LIPG: variants seen among roughly 807,000 people sequenced by gnomAD.
LIPG encodes lipase G, endothelial type, also known as endothelial lipase.
A neutral mutation model predicts 51.8 loss-of-function variants in LIPG; 34 were observed. The observed-to-expected ratio is 0.66, with a 90% CI of 0.50 to 0.87. The LOEUF (loss-of-function observed/expected upper bound fraction) is 0.87, where lower values mean the gene tolerates loss of function less well. LIPG is among the 40% of genes least tolerant of loss of function. The pLI is 0.00. For missense variants in LIPG, 580 were observed against 652.7 expected (o/e 0.89, Z 1.21); for synonymous variants, 246 against 246.1 (o/e 1.00, Z 0.00).
chr18:49,570,826 C>G (rs143650892), intron 4 of LIPG, among the ~76,000 whole-genome samples: 1 of 152,136 alleles, frequency 6.6e-6, no homozygotes, highest in Non-Finnish European at 1.5e-5. Flanking sequence ...AAGACTCCGT[C>G]TCAAAAAACA....
chr18:49,586,203 C>T (rs1462048306), intron 8 of LIPG, among the ~76,000 whole-genome samples: 1 of 152,198 alleles, frequency 6.6e-6, no homozygotes, highest in Non-Finnish European at 1.5e-5. Flanking sequence ...TTGCTCTTGT[C>T]AATGGATATT....
chr18:49,583,882 G>A (rs867833592), intron 8 of LIPG, 108 bp downstream of exon 8: 2 of 1,016,794 alleles, frequency 2.0e-6, no homozygotes. Flanking sequence ...CTTCCCTCCA[G>A]CATGCAGGTA....
At position 49,582,569 on chromosome 18, in the gene LIPG, T is replaced by C. The variant is rs1385932840; in HGVS notation, c.1157+87T>C. 1.0e-5 allele frequency: 16 copies of C among 1,557,780 alleles called. No homozygotes were observed. In the East Asian group the frequency reaches 3.2e-4, roughly 31 times the overall value. Reference sequence around the variant, plus strand: ...GAGCACAAGGGAGCGTGTGAACGAGTACAGCACGCAGGAGAGTGCAGTCCG... The same window carrying C: ...GAGCACAAGGGAGCGTGTGAACGAGCACAGCACGCAGGAGAGTGCAGTCCG... On this transcript the variant is annotated intron_variant, in intron 7 of 9. Transcript: ENST00000261292.
intron 4 of LIPG, among the ~76,000 whole-genome samples, chr18:49,572,327 AAAAAAT>A (rs959045584): frequency 1.0e-4 from 9 of 90,192 alleles, no homozygotes; most frequent in African/African-American, 2.9e-4. Flanking sequence ...TCTCAAAAAT[AAAAAAT>A]AAAAAATAAA....
rs118009683 is a variant in LIPG, at chr18:49,579,674, G to T, written c.794-1741G>T. On this transcript the variant is annotated intron_variant, in intron 5 of 9. Coordinates refer to ENST00000261292, the MANE Select transcript of LIPG (RefSeq NM_006033.4). ...TCCCTCTCCCGGTTTAATCCAAGTA[G>T]CTCTGCAGGGTTTGGAGGTCCATGC... Among the ~76,000 whole-genome samples, 4 of 152,210 alleles carry T rather than the reference G, an allele frequency of 2.6e-5. No individual in the cohort carries two copies. The East Asian group carries it at 7.7e-4, about 29-fold the overall frequency.
At chr18:49,587,568 CAAAAA>C (rs34734805) in intron 9 of LIPG, among the ~76,000 whole-genome samples, 1,040 of 42,226 alleles carry the variant, frequency 0.025, 8 homozygotes, top group African/African-American at 0.079. Context: ...GACTCCGTCT[CAAAAA>C]AAAAAAAAAA....
intron 4 of LIPG, among the ~76,000 whole-genome samples, chr18:49,574,605 G>C (rs771885629): frequency 7.2e-5 from 11 of 152,182 alleles, no homozygotes; most frequent in Non-Finnish European, 1.6e-4. Context: ...TTGCTTGTGT[G>C]TCCTTCCAGA....
chr18:49,583,807 G>A lies in LIPG; in HGVS notation c.1376+33G>A, dbSNP rs79592405. 8.7e-4 allele frequency: 1,370 copies of A among 1,571,116 alleles called. 11 individuals carry two copies. The African/African-American group carries it at 0.017, about 19-fold the overall frequency. On this transcript the variant is annotated intron_variant, in intron 8 of 9. Coordinates refer to ENST00000261292, the MANE Select transcript of LIPG (RefSeq NM_006033.4). Reference sequence around the variant, plus strand: ...CCTCCTGCTCCTTCTTCTGCCTGGTGTAGGTGGGGAACAGAAGGCTGTGCC... The same window carrying A: ...CCTCCTGCTCCTTCTTCTGCCTGGTATAGGTGGGGAACAGAAGGCTGTGCC...
At chr18:49,574,565 C>T (rs753639243) in intron 4 of LIPG, among the ~76,000 whole-genome samples, 1 of 152,202 alleles carries the variant, frequency 6.6e-6, no homozygotes, top group Admixed American at 6.5e-5. Flanking sequence ...CCCACTCTCT[C>T]CCCCAACGCA....
At chr18:49,582,277 C>T (rs2084828133) in intron 6 of LIPG, 85 bp from the exon 7 acceptor site, 1 of 1,557,302 alleles carries the variant, frequency 6.4e-7, no homozygotes, top group Non-Finnish European at 8.8e-7. Flanking sequence ...CCTAAAATCT[C>T]TGTGCTGGTG....
intron 4 of LIPG, among the ~76,000 whole-genome samples, chr18:49,570,257 C>A (rs2084649173): frequency 6.6e-6 from 1 of 152,192 alleles, no homozygotes; most frequent in African/African-American, 2.4e-5. Context: ...AAAACTGCAT[C>A]TTAGTGAGCT....
intron 7 of LIPG, 75 bp downstream of exon 7, chr18:49,582,557 C>T (rs940216406): frequency 5.0e-6 from 8 of 1,586,778 alleles, no homozygotes; most frequent in Middle Eastern, 1.7e-4. Context: ...CACAAGGGAG[C>T]GTGTGAACGA....
chr18:49,569,619 C>G, intron 4 of LIPG, 71 bp downstream of exon 4: 2 of 1,180,430 alleles, frequency 1.7e-6, no homozygotes, highest in Admixed American at 3.8e-5. Flanking sequence ...AATGAGGCAG[C>G]AGAGTGAGTC....
At chr18:49,562,464 C>T (rs1295712777) in intron 1 of LIPG, 59 bp downstream of exon 1, 3 of 1,403,410 alleles carry the variant, frequency 2.1e-6, no homozygotes, top group Non-Finnish European at 3.0e-6. Flanking sequence ...TCCCCTCTGT[C>T]TTGCTGATTC....
At chr18:49,561,725 A>C, upstream of LIPG, 1 of 1,244,722 alleles carries the variant, frequency 8.0e-7, no homozygotes, top group Admixed American at 3.8e-5. Context: ...CAGCGGACGC[A>C]GAGTTTCAGG....
intron 5 of LIPG, 22 bp from the exon 6 acceptor site, chr18:49,581,393 T>C (rs373176546): frequency 5.6e-5 from 90 of 1,614,056 alleles, no homozygotes; most frequent in Non-Finnish European, 7.3e-5. Context: ...TCCTGCATGC[T>C]TTTTATCTCT....
At chr18:49,587,908 C>T (rs2084900811) in intron 9 of LIPG, among the ~76,000 whole-genome samples, 1 of 152,120 alleles carries the variant, frequency 6.6e-6, no homozygotes, top group Non-Finnish European at 1.5e-5. Flanking sequence ...TCCGCCTTTG[C>T]CTCCTGTATA....
At chr18:49,566,935 G>T (rs1447179884) in intron 2 of LIPG, among the ~76,000 whole-genome samples, 1 of 152,222 alleles carries the variant, frequency 6.6e-6, no homozygotes, top group Non-Finnish European at 1.5e-5. Flanking sequence ...AAATACTGGG[G>T]ATGTAAGGAG....
chr18:49,563,267 G>A (rs1275007960), intron 1 of LIPG, among the ~76,000 whole-genome samples: 1 of 152,164 alleles, frequency 6.6e-6, no homozygotes, highest in Non-Finnish European at 1.5e-5. Context: ...TGAATGAATG[G>A]AAAGCCTTGC....
Sources: gnomAD v4.1 joint callset for allele counts (sites outside exome capture counted in the v4.1 genomes callset) on GRCh38, gnomAD v4.1.1 for gene constraint, MANE v1.5 for transcripts, NCBI Gene and HGNC (gene_info 2026-07-23, HGNC 2026-07-21) for gene names.